The following ARB2A variants were observed in gnomAD, a reference collection of about 807,000 sequenced individuals.
ARB2A encodes the protein cotranscriptional regulator ARB2A.
the ARB2A span, among the ~76,000 whole-genome samples, chr5:93,813,671 A>G: frequency 6.6e-6 from 1 of 152,146 alleles, no homozygotes. Flanking sequence ...TGTCTACAAG[A>G]CAGGAAGTAT....
chr5:93,968,855 A>G, the ARB2A span, among the ~76,000 whole-genome samples: 1,722 of 152,174 alleles, frequency 0.011, 27 homozygotes, highest in African/African-American at 0.039. Flanking sequence ...ATTACATCGG[A>G]CTTCTCTTAC....
chr5:94,030,345 C>T, the ARB2A span, among the ~76,000 whole-genome samples: 1 of 152,206 alleles, frequency 6.6e-6, no homozygotes, highest in Non-Finnish European at 1.5e-5. Flanking sequence ...GGGTCTGCGT[C>T]CAAGATCATT....
chr5:93,894,857 T>C, the ARB2A span, among the ~76,000 whole-genome samples: 1 of 152,124 alleles, frequency 6.6e-6, no homozygotes, highest in African/African-American at 2.4e-5. Flanking sequence ...AAGTGACAGG[T>C]TAATTTACAG....
chr5:93,646,651 T>A, the ARB2A span, among the ~76,000 whole-genome samples: 1 of 152,058 alleles, frequency 6.6e-6, no homozygotes. Context: ...ATAAAGATTT[T>A]CTTCTGGTTA....
the ARB2A span, among the ~76,000 whole-genome samples, chr5:94,070,237 GAC>G: frequency 6.6e-6 from 1 of 152,074 alleles, no homozygotes; most frequent in Non-Finnish European, 1.5e-5. Context: ...GGTACAGAAA[GAC>G]ACAGTGCATG....
At chr5:94,102,276 A>C in the ARB2A span, among the ~76,000 whole-genome samples, 4,492 of 152,104 alleles carry the variant, frequency 0.03, 207 homozygotes, top group African/African-American at 0.1. Context: ...AATCTAAGGA[A>C]TCCAATAAAA....
chr5:94,104,243 T>C, the ARB2A span, among the ~76,000 whole-genome samples: 1 of 151,298 alleles, frequency 6.6e-6, no homozygotes, highest in Non-Finnish European at 1.5e-5. Flanking sequence ...TAAATAAGAT[T>C]GACAGACCAC....
At chr5:94,042,178 TA>T in the ARB2A span, among the ~76,000 whole-genome samples, 3 of 152,086 alleles carry the variant, frequency 2.0e-5, no homozygotes, top group Admixed American at 1.3e-4. Context: ...ATTAATCTCG[TA>T]AAAAAAATTC....
At chr5:93,690,242 G>A in the ARB2A span, among the ~76,000 whole-genome samples, 2 of 152,310 alleles carry the variant, frequency 1.3e-5, no homozygotes, top group Admixed American at 6.5e-5. Context: ...AAGCCAGGGA[G>A]CCAAGTGGTC....
chr5:93,748,720 A>T, the ARB2A span, among the ~76,000 whole-genome samples: 1 of 152,118 alleles, frequency 6.6e-6, no homozygotes, highest in Non-Finnish European at 1.5e-5. Flanking sequence ...AAATTTTGTT[A>T]AAATATTAAA....
At chr5:94,039,246 G>A in the ARB2A span, among the ~76,000 whole-genome samples, 1 of 152,156 alleles carries the variant, frequency 6.6e-6, no homozygotes, top group Admixed American at 6.5e-5. Context: ...TGGGTAAAAT[G>A]AGGCTTAGAC....
At chr5:93,989,861 G>C in the ARB2A span, among the ~76,000 whole-genome samples, 1 of 152,150 alleles carries the variant, frequency 6.6e-6, no homozygotes, top group Non-Finnish European at 1.5e-5. Flanking sequence ...CATTATGTTA[G>C]GCCTCTGGGT....
chr5:93,814,811 T>C, the ARB2A span, among the ~76,000 whole-genome samples: 1 of 152,220 alleles, frequency 6.6e-6, no homozygotes, highest in Non-Finnish European at 1.5e-5. Context: ...GGGCGTAATA[T>C]TCAGTCTTAA....
the ARB2A span, chr5:93,618,513 C>T: frequency 4.0e-5 from 6 of 151,170 alleles, no homozygotes; most frequent in Non-Finnish European, 7.4e-5. Context: ...TAACACTGGC[C>T]GTCCTCATGC....
the ARB2A span, among the ~76,000 whole-genome samples, chr5:93,955,305 G>C: frequency 6.6e-6 from 1 of 152,024 alleles, no homozygotes; most frequent in Non-Finnish European, 1.5e-5. Flanking sequence ...TAGTATTTTT[G>C]TTACATTTTA....
At chr5:93,727,164 T>A in the ARB2A span, among the ~76,000 whole-genome samples, 2 of 152,002 alleles carry the variant, frequency 1.3e-5, no homozygotes, top group Non-Finnish European at 2.9e-5. Flanking sequence ...AAAGCTAGTC[T>A]AAGATTATGG....
At chr5:93,761,075 G>A in the ARB2A span, among the ~76,000 whole-genome samples, 388 of 152,154 alleles carry the variant, frequency 2.6e-3, 1 homozygote, top group African/African-American at 9.1e-3. Flanking sequence ...ATCCCGGGGG[G>A]TGGAGCCAAG....
chr5:93,828,571 T>G, the ARB2A span, among the ~76,000 whole-genome samples: 1 of 152,204 alleles, frequency 6.6e-6, no homozygotes, highest in African/African-American at 2.4e-5. Flanking sequence ...CACAAGTGGA[T>G]GACCACAACA....
chr5:94,001,504 T>C, the ARB2A span, among the ~76,000 whole-genome samples: 1 of 152,108 alleles, frequency 6.6e-6, no homozygotes. Flanking sequence ...TGTTCTTTTA[T>C]TTTTCAGAAT....
Sources: gnomAD v4.1 joint callset for allele counts (sites outside exome capture counted in the v4.1 genomes callset) on GRCh38, gnomAD v4.1.1 for gene constraint, MANE v1.5 for transcripts, NCBI Gene and HGNC (gene_info 2026-07-23, HGNC 2026-07-21) for gene names.